DNAH8: variants seen among roughly 807,000 people sequenced by gnomAD.
The protein encoded by DNAH8 is axonemal beta dynein heavy chain 8.
A neutral mutation model predicts 562.1 loss-of-function variants in DNAH8; 382 were observed. The ratio of observed to expected loss-of-function variants is 0.68; its 90% CI spans 0.63 to 0.74. The LOEUF is 0.74. DNAH8 is among the 30% of genes least tolerant of loss of function. The probability of loss-of-function intolerance (pLI) is 0.00; values close to 1 mark genes in which losing one functional copy is unlikely to be tolerated. For synonymous variants in DNAH8, 1,881 were observed against 1,919.4 expected, an observed-to-expected ratio of 0.98 and a Z score of 0.52; for missense variants, 5,203 against 5,620.4, an observed-to-expected ratio of 0.93 and a Z score of 2.37.
At chr6:38,950,196 G>A (rs933223347) in intron 81 of DNAH8, among the ~76,000 whole-genome samples, 8 of 149,924 alleles carry the variant, frequency 5.3e-5, no homozygotes, top group Admixed American at 3.3e-4. Context: ...CTGCGTGTGT[G>A]TGTGTGTGTG....
chr6:38,825,490 C>T (rs1773232899), intron 28 of DNAH8, among the ~76,000 whole-genome samples: 1 of 152,090 alleles, frequency 6.6e-6, no homozygotes, highest in Non-Finnish European at 1.5e-5. Flanking sequence ...CAGAATAGAC[C>T]AGAATCAGGG....
chr6:38,936,024 A>AT (rs397958545), intron 77 of DNAH8, among the ~76,000 whole-genome samples: 18,928 of 140,020 alleles, frequency 0.14, 1,541 homozygotes, highest in East Asian at 0.45. Flanking sequence ...TGCTCAATCT[A>AT]TTTTTTTTTT....
intron 17 of DNAH8, among the ~76,000 whole-genome samples, chr6:38,783,881 T>A (rs987142520): frequency 2.6e-5 from 4 of 152,130 alleles, no homozygotes; most frequent in Admixed American, 6.5e-5. Context: ...GGTTTCTCCC[T>A]CCCAAACCAG....
Position 38,874,168 on chromosome 6 carries a change from CTCTT to C in DNAH8, c.7620+804_7620+807del, listed in dbSNP as rs1198107533. ...TTCTCCTTCCTTCCTTCCTCCTTCT[CTCTT>C]TCTTTCTTTCTCTCTCTCTTTCTTT... On this transcript the variant is annotated intron_variant, in intron 52 of 92. Transcript: ENST00000327475. Among the ~76,000 whole-genome samples, 144 of 97,898 alleles carry C rather than the reference CTCTT, an allele frequency of 1.5e-3. 23 individuals carry two copies. The highest frequency in any genetic ancestry group is 5.0e-3 in the Admixed American group (39 of 7,878). 64.2% of individuals were successfully genotyped at this position (97,898 alleles called of 152,430 possible). A position where few individuals can be genotyped will look rare whatever the true frequency, so the allele number is the denominator to read the frequency against.
At chr6:38,822,592 A>G (rs1271167502) in intron 26 of DNAH8, among the ~76,000 whole-genome samples, 1 of 152,190 alleles carries the variant, frequency 6.6e-6, no homozygotes, top group Non-Finnish European at 1.5e-5. Context: ...TCTTTCAGTT[A>G]TCCTCTCCGA....
At chr6:38,958,647 A>AAG (rs1491499837) in intron 82 of DNAH8, among the ~76,000 whole-genome samples, 23 of 50,386 alleles carry the variant, frequency 4.6e-4, no homozygotes, top group African/African-American at 1.2e-3. Context: ...GTCTCCCATC[A>AAG]AAAAAAAAAA....
chr6:38,738,027 C>A, intron 7 of DNAH8, 55 bp downstream of exon 7: 1 of 1,547,400 alleles, frequency 6.5e-7, no homozygotes, highest in African/African-American at 1.4e-5. Context: ...TGCATCCTAG[C>A]CATTGTATTT....
At chr6:38,777,183 C>A (rs192007655) in intron 13 of DNAH8, among the ~76,000 whole-genome samples, 2 of 152,116 alleles carry the variant, frequency 1.3e-5, no homozygotes, top group East Asian at 3.9e-4. Context: ...TTAATTATTA[C>A]TTTTAGTGTT....
At chr6:38,723,804 A>G (rs1483324174) in intron 3 of DNAH8, among the ~76,000 whole-genome samples, 2 of 151,958 alleles carry the variant, frequency 1.3e-5, no homozygotes, top group Non-Finnish European at 2.9e-5. Flanking sequence ...TGAGCCTGGG[A>G]GGTGGAGGAT....
At chr6:38,983,266 A>G (rs1233950867) in intron 86 of DNAH8, among the ~76,000 whole-genome samples, 1 of 152,240 alleles carries the variant, frequency 6.6e-6, no homozygotes, top group Non-Finnish European at 1.5e-5. Context: ...CTCATTCAAT[A>G]TGACTCTCTG....
chr6:38,965,889 T>C (rs1053735962), intron 82 of DNAH8, among the ~76,000 whole-genome samples: 10 of 152,286 alleles, frequency 6.6e-5, no homozygotes, highest in African/African-American at 2.2e-4. Flanking sequence ...ATATAAAATA[T>C]TTATCACCTT....
intron 59 of DNAH8, 145 bp downstream of exon 59, chr6:38,895,009 A>C: frequency 1.3e-6 from 1 of 745,096 alleles, no homozygotes; most frequent in Non-Finnish European, 2.0e-6. Context: ...GCTGACCACA[A>C]CCTCTGCCTC....
chr6:38,880,391 T>C (rs1235768736), intron 53 of DNAH8, among the ~76,000 whole-genome samples: 1 of 152,186 alleles, frequency 6.6e-6, no homozygotes, highest in Admixed American at 6.5e-5. Flanking sequence ...AGATCTTATT[T>C]AAACATTATT....
At chr6:38,902,870 G>A (rs1477818177) in intron 62 of DNAH8, among the ~76,000 whole-genome samples, 1 of 152,208 alleles carries the variant, frequency 6.6e-6, no homozygotes, top group Admixed American at 6.5e-5. Context: ...GTACAGTTGT[G>A]TGCCCCATAA....
chr6:38,873,727 T>C (rs1239371438), intron 52 of DNAH8, among the ~76,000 whole-genome samples: 8 of 96,462 alleles, frequency 8.3e-5, no homozygotes, highest in Admixed American at 3.7e-4. Flanking sequence ...CACATACACC[T>C]ACACACACAC....
chr6:38,736,939 T>TAA (rs965817232), intron 5 of DNAH8, 128 bp from the exon 6 acceptor site: 1 of 598,978 alleles, frequency 1.7e-6, no homozygotes, highest in African/African-American at 1.9e-5. Flanking sequence ...CATAACCACT[T>TAA]AAGATTCCCT....
At chr6:38,855,638 TTGG>T (rs951668132) in intron 41 of DNAH8, among the ~76,000 whole-genome samples, 33 of 152,192 alleles carry the variant, frequency 2.2e-4, no homozygotes, top group African/African-American at 7.5e-4. Context: ...TTTCTTTGTG[TTGG>T]GAACATTCAA....
rs3823429 is a variant in DNAH8 at position 38,896,285 on chromosome 6, C to T, written c.8940+60C>T. 1.3e-5 allele frequency: 18 copies of T among 1,367,114 alleles called. No individual in the cohort carries two copies. In the African/African-American group the frequency reaches 1.9e-4, roughly 14 times the overall value. The allele number at this position is 1,367,114 out of a possible 1,614,324, so 84.7% of individuals were successfully genotyped here. On this transcript the variant is annotated intron_variant, in intron 60 of 92. Transcript: ENST00000327475. Reference sequence around the variant, plus strand: ...ATTGCTCACCTGACTAGATCTTTCTCTCTGCACCAGAGTCCTACCATGGAG... The same window carrying T: ...ATTGCTCACCTGACTAGATCTTTCTTTCTGCACCAGAGTCCTACCATGGAG...
chr6:38,868,433 T>C (rs866301804), intron 48 of DNAH8, among the ~76,000 whole-genome samples: 5 of 152,192 alleles, frequency 3.3e-5, no homozygotes, highest in Middle Eastern at 3.2e-3. Flanking sequence ...AGGTCATCAG[T>C]GGGCTTCAGC....
Sources: allele counts gnomAD v4.1 joint callset (sites outside exome capture counted in the v4.1 genomes callset), GRCh38; gene constraint gnomAD v4.1.1; transcripts MANE v1.5; gene names NCBI Gene and HGNC (gene_info 2026-07-23, HGNC 2026-07-21).